Variants in RIPOR2 observed in about 807,000 individuals in gnomAD.
The protein encoded by RIPOR2 is rho family-interacting cell polarization regulator 2.
RIPOR2 carries 39 observed loss-of-function variants against 114.5 expected under a neutral mutation model. The observed-to-expected ratio is 0.34, with a 90% confidence interval of 0.26 to 0.44. The LOEUF (loss-of-function observed/expected upper bound fraction) is 0.44, where lower values mean the gene tolerates loss of function less well. Among genes scored for constraint, RIPOR2 ranks in the 20% least tolerant of loss-of-function variants. The probability of loss-of-function intolerance (pLI) is 1.00; values close to 1 mark genes in which losing one functional copy is unlikely to be tolerated. For missense variants in RIPOR2, 1,007 were observed against 1,255.1 expected (o/e 0.80, Z 2.99); for synonymous variants, 445 against 484.4 (o/e 0.92, Z 1.07).
chr6:24,920,915 A>G (rs2114105395), intron 1 of RIPOR2, among the ~76,000 whole-genome samples: 1 of 152,316 alleles, frequency 6.6e-6, no homozygotes, highest in Middle Eastern at 3.4e-3. Context: ...GTATCAGGCC[A>G]GGTAAGGATC....
intron 1 of RIPOR2, among the ~76,000 whole-genome samples, chr6:25,027,989 C>T (rs972326451): frequency 2.6e-5 from 4 of 152,210 alleles, no homozygotes; most frequent in African/African-American, 4.8e-5. Flanking sequence ...TGACCCCTAA[C>T]AGCTCTAAGC....
chr6:25,042,124 T>TA (rs1400316481), upstream of RIPOR2: 26 of 495,998 alleles, frequency 5.2e-5, no homozygotes, highest in Admixed American at 8.4e-4. Flanking sequence ...TGCCTTGCCT[T>TA]TCCTTCCCTT....
intron 1 of RIPOR2, among the ~76,000 whole-genome samples, chr6:24,901,779 G>T (rs1768464438): frequency 6.7e-6 from 1 of 149,338 alleles, no homozygotes; most frequent in Non-Finnish European, 1.5e-5. Context: ...CTGGCTAAGT[G>T]GACCTCCCGG....
intron 1 of RIPOR2, among the ~76,000 whole-genome samples, chr6:24,905,151 C>T (rs1768847354): frequency 6.6e-6 from 1 of 152,082 alleles, no homozygotes; most frequent in Non-Finnish European, 1.5e-5. Context: ...CTTAGGTGTT[C>T]CAAAAAGCTC....
intron 1 of RIPOR2, among the ~76,000 whole-genome samples, chr6:24,886,661 G>A (rs542942025): frequency 6.6e-6 from 1 of 152,360 alleles, no homozygotes; most frequent in South Asian, 2.1e-4. Flanking sequence ...TACCACGTAA[G>A]TGACATTGTC....
At chr6:24,877,276 C>G in intron 1 of RIPOR2, 1 of 985,380 alleles carries the variant, frequency 1.0e-6, no homozygotes, top group Non-Finnish European at 1.2e-6. Context: ...AGCCTCCTCC[C>G]CCATGTTGCT....
In RIPOR2 at chr6:24,869,109, C is replaced by G. The variant is rs1439199763; in HGVS notation, c.486G>C (p.Glu162Asp). ...KTIERYMRRL[E>D]FHISKVDELY... ...TTTCAGTTACCTTACTTATATGAAA[C>G]TCCAGGCGTCTCATGTATCTTTCAA... The change falls in exon 6 of 22, where the codon GAG (glutamate) becomes GAC (aspartate). Residue 162 changes from glutamate to aspartate, a missense_variant. Glu to Asp is a conservative substitution (Grantham distance 45). Coordinates refer to ENST00000643898, the MANE Select transcript of RIPOR2 (RefSeq NM_001286445.3). 3.2e-6 allele frequency: 5 copies of G among 1,581,024 alleles called. No individual in the cohort carries two copies. The highest frequency in any genetic ancestry group is 4.3e-6 in the Non-Finnish European group (5 of 1,158,026).
At chr6:24,897,862 G>A (rs1170844455) in intron 1 of RIPOR2, among the ~76,000 whole-genome samples, 1 of 152,062 alleles carries the variant, frequency 6.6e-6, no homozygotes, top group Non-Finnish European at 1.5e-5. Flanking sequence ...CACCTCCAAG[G>A]CTCAAGGGAT....
intron 1 of RIPOR2, among the ~76,000 whole-genome samples, chr6:24,897,300 A>ATT (rs1324559016): frequency 1.3e-5 from 2 of 152,354 alleles, no homozygotes; most frequent in African/African-American, 4.8e-5. Context: ...ATCATTTGGC[A>ATT]GGATGAGTTT....
chr6:24,872,996 C>T lies in RIPOR2; in HGVS notation c.345-37G>A, dbSNP rs372991792. ...AGACAAGATGTAATCGTAATCTCTGCGCCTGTTAAGTGGAATCTGGTGCTG... is the reference window on the plus strand; with the variant it reads ...AGACAAGATGTAATCGTAATCTCTGTGCCTGTTAAGTGGAATCTGGTGCTG... On this transcript the variant is annotated intron_variant, in intron 3 of 21. Coordinates refer to ENST00000643898, the MANE Select transcript of RIPOR2 (RefSeq NM_001286445.3). The T allele has an allele frequency of 8.4e-5, 119 of 1,420,004 alleles. 1 individual carries two copies. The highest frequency in any genetic ancestry group is 1.8e-4 in the Middle Eastern group (1 of 5,680). 88.0% of individuals were successfully genotyped at this position (1,420,004 alleles called of 1,614,324 possible).
At chr6:24,832,780 G>C (rs1260227376) in intron 15 of RIPOR2, among the ~76,000 whole-genome samples, 1 of 152,156 alleles carries the variant, frequency 6.6e-6, no homozygotes, top group Non-Finnish European at 1.5e-5. Flanking sequence ...TCACAGCATG[G>C]TTTTATTTTT....
intron 1 of RIPOR2, among the ~76,000 whole-genome samples, chr6:25,039,360 T>C (rs532983327): frequency 6.6e-6 from 1 of 152,300 alleles, no homozygotes; most frequent in East Asian, 1.9e-4. Context: ...CCTCCAAAAA[T>C]GTCACTTGAT....
At position 25,023,814 on chromosome 6, in the gene RIPOR2, C is replaced by G; in HGVS notation, c.76+18037G>C. ...ACCTTCACGGGGACCCCTTTTTTAA[C>G]TCGATCTCGAGGATGTCAGGGGTGT... On this transcript the variant is annotated intron_variant, in intron 1 of 13. Transcript: ENST00000510784. 3 of 756,602 alleles carry G rather than the reference C, an allele frequency of 4.0e-6. No homozygotes were observed. In the East Asian group the frequency reaches 7.5e-5, roughly 19 times the overall value. The allele number at this position is 756,602 out of a possible 1,614,324, so 46.9% of individuals were successfully genotyped here.
chr6:24,997,451 G>A (rs1260279160), intron 1 of RIPOR2, among the ~76,000 whole-genome samples: 1 of 152,142 alleles, frequency 6.6e-6, no homozygotes, highest in Non-Finnish European at 1.5e-5. Context: ...GCCTCCATGA[G>A]CAATAGCAAA....
intron 1 of RIPOR2, among the ~76,000 whole-genome samples, chr6:24,881,474 C>A (rs1766348953): frequency 6.6e-6 from 1 of 152,112 alleles, no homozygotes; most frequent in Admixed American, 6.6e-5. Flanking sequence ...ACAACAGGGT[C>A]TTTCTGGAAG....
intron 5 of RIPOR2, 41 bp downstream of exon 5, chr6:24,870,824 AT>A (rs751800343): frequency 8.4e-6 from 13 of 1,547,544 alleles, no homozygotes; most frequent in Admixed American, 7.1e-5. Context: ...AGGATGCAGA[AT>A]TTTTTTCTTA....
intron 1 of RIPOR2, among the ~76,000 whole-genome samples, chr6:24,912,404 C>T (rs778664763): frequency 6.6e-6 from 1 of 152,144 alleles, no homozygotes; most frequent in Non-Finnish European, 1.5e-5. Context: ...CACATCTATT[C>T]ATTAGGATCC....
chr6:24,873,609 T>C, intron 3 of RIPOR2, 35 bp downstream of exon 3: 1 of 1,590,888 alleles, frequency 6.3e-7, no homozygotes, highest in Non-Finnish European at 8.5e-7. Flanking sequence ...CCTTGGGTCT[T>C]TCCTTAAAGT....
intron 1 of RIPOR2, chr6:25,015,888 G>GGT (rs1554131517): frequency 6.8e-5 from 5 of 74,046 alleles, no homozygotes; most frequent in African/African-American, 2.8e-4. Context: ...AAAAACGCAG[G>GGT]TTTTTTGGTT....
Sources: gnomAD v4.1 joint callset for allele counts (sites outside exome capture counted in the v4.1 genomes callset) on GRCh38, gnomAD v4.1.1 for gene constraint, MANE v1.5 for transcripts, NCBI Gene and HGNC (gene_info 2026-07-23, HGNC 2026-07-21) for gene names.